SLC35F4: variants seen among roughly 807,000 people sequenced by gnomAD.
SLC35F4 encodes chromosome 14 open reading frame 36.
SLC35F4 carries 24 observed loss-of-function variants against 44.2 expected under a neutral mutation model. The ratio of observed to expected loss-of-function variants is 0.54; its 90% CI spans 0.39 to 0.76. The LOEUF (loss-of-function observed/expected upper bound fraction) is 0.76, where lower values mean the gene tolerates loss of function less well. Among genes scored for constraint, SLC35F4 ranks in the 30% least tolerant of loss-of-function variants. The pLI is 0.00. For synonymous variants in SLC35F4, 238 were observed against 223.6 expected (o/e 1.06, Z -0.57); for missense variants, 562 against 586.1 (o/e 0.96, Z 0.42).
chr14:57,954,733 C>T (rs1405455814), intron 1 of SLC35F4, among the ~76,000 whole-genome samples: 1 of 151,718 alleles, frequency 6.6e-6, no homozygotes, highest in Non-Finnish European at 1.5e-5. Flanking sequence ...AGGATGAAGT[C>T]GAATCTCTGA....
chr14:57,737,191 A>G (rs984244384), intron 1 of SLC35F4, among the ~76,000 whole-genome samples: 9 of 152,050 alleles, frequency 5.9e-5, no homozygotes, highest in African/African-American at 1.9e-4. Context: ...GTACGCCTAA[A>G]GTAGTAATTC....
intron 1 of SLC35F4, among the ~76,000 whole-genome samples, chr14:57,669,631 G>T (rs1235625590): frequency 6.6e-6 from 1 of 152,032 alleles, no homozygotes; most frequent in Non-Finnish European, 1.5e-5. Flanking sequence ...GCTGGATTAC[G>T]TTTATTGATT....
intron 1 of SLC35F4, among the ~76,000 whole-genome samples, chr14:57,778,190 C>T (rs1028339619): frequency 6.6e-6 from 1 of 152,214 alleles, no homozygotes; most frequent in African/African-American, 2.4e-5. Flanking sequence ...ACTTGCTCCT[C>T]CTTGCCTTCT....
At chr14:57,958,863 G>C (rs35990598) in intron 1 of SLC35F4, among the ~76,000 whole-genome samples, 20,559 of 152,202 alleles carry the variant, frequency 0.14, 1,686 homozygotes, top group East Asian at 0.25. Flanking sequence ...GTCCTGCCTA[G>C]AAGGTCTAAC....
chr14:57,616,899 C>G (rs11624435), intron 1 of SLC35F4, among the ~76,000 whole-genome samples: 1 of 152,104 alleles, frequency 6.6e-6, no homozygotes, highest in African/African-American at 2.4e-5. Flanking sequence ...CTTAGCCCCT[C>G]TTCTTCCTCG....
rs113543015 is a variant in SLC35F4, at chr14:57,721,159, G to A, written c.104-127035C>T. 6.5e-3 allele frequency among the ~76,000 whole-genome samples: 985 copies of A among 151,358 alleles called. 7 individuals are homozygous for A. The highest frequency in any genetic ancestry group is 0.022 in the African/African-American group (918 of 41,256). On this transcript the variant is annotated intron_variant, in intron 1 of 7. Transcript: ENST00000556826. ...GATGGAGTTCTTTCACTGGTTTTGG[G>A]GTTTTTGGCATTGCTTGCTTAATAT...
intron 1 of SLC35F4, chr14:57,630,664 C>T (rs764095079): frequency 4.4e-6 from 3 of 678,742 alleles, no homozygotes; most frequent in Non-Finnish European, 8.2e-6. Flanking sequence ...AGGTCTTGGA[C>T]TAGTCCTATG....
At chr14:57,895,020 T>C (rs1888843452) in intron 1 of SLC35F4, among the ~76,000 whole-genome samples, 1 of 152,116 alleles carries the variant, frequency 6.6e-6, no homozygotes. Context: ...ATGCATTGAG[T>C]GCCTAATTTG....
At chr14:57,772,930 G>A (rs572342717) in intron 1 of SLC35F4, among the ~76,000 whole-genome samples, 18 of 152,098 alleles carry the variant, frequency 1.2e-4, no homozygotes, top group East Asian at 5.8e-4. Flanking sequence ...AGAAATCTCC[G>A]TACTGTTTTC....
At chr14:57,866,957 A>AAAT (rs4035380), upstream of SLC35F4, among the ~76,000 whole-genome samples, 39,926 of 135,700 alleles carry the variant, frequency 0.29, 6,098 homozygotes, top group Admixed American at 0.36. Context: ...AGCTTCCTGC[A>AAAT]AATAATAATA....
At chr14:57,970,241 A>G (rs1881012015) in intron 1 of SLC35F4, among the ~76,000 whole-genome samples, 1 of 152,238 alleles carries the variant, frequency 6.6e-6, no homozygotes. Context: ...GCAAAATGGG[A>G]GCAAATGTAT....
At chr14:57,731,425 A>G (rs2076341611) in intron 1 of SLC35F4, among the ~76,000 whole-genome samples, 2 of 152,182 alleles carry the variant, frequency 1.3e-5, no homozygotes, top group Admixed American at 1.3e-4. Context: ...AGGGTTCTTC[A>G]TGGGAGGGTC....
intron 1 of SLC35F4, among the ~76,000 whole-genome samples, chr14:57,761,892 T>TAA (rs200042885): frequency 6.6e-6 from 1 of 151,074 alleles, no homozygotes; most frequent in East Asian, 1.9e-4. Flanking sequence ...TCATGTTACT[T>TAA]AAAAAAAAAG....
rs112363796 is a variant in SLC35F4, at chr14:57,691,781, A to C, written c.104-97657T>G. On this transcript the variant is annotated intron_variant, in intron 1 of 7. Transcript: ENST00000556826. The stretch of plus-strand genomic sequence containing the variant: ...CCTTCTCTTAAAAAGCTACACTCTA[A>C]TAGGAGAGACGAGATACTTATATAA... 2.6e-5 allele frequency among the ~76,000 whole-genome samples: 4 copies of C among 152,312 alleles called. 1 individual carries two copies. Among genetic ancestry groups the C allele is most frequent in the South Asian group, 2.1e-4 (1 of 4,826 alleles).
chr14:57,864,832 A>G (rs1428266480), intron 1 of SLC35F4, among the ~76,000 whole-genome samples: 1 of 152,218 alleles, frequency 6.6e-6, no homozygotes, highest in African/African-American at 2.4e-5. Context: ...TCGAAGAAAA[A>G]TGAGCTGCAC....
chr14:57,587,707 C>T (rs1200430243), intron 3 of SLC35F4, among the ~76,000 whole-genome samples: 2 of 152,002 alleles, frequency 1.3e-5, no homozygotes, highest in African/African-American at 4.8e-5. Context: ...ACCACCATGG[C>T]ACATGTATAC....
At chr14:57,937,605 GAAAAGAAAAGAAAAGA>G (rs1566505673) in intron 1 of SLC35F4, among the ~76,000 whole-genome samples, 4 of 54,160 alleles carry the variant, frequency 7.4e-5, no homozygotes, top group African/African-American at 3.3e-4. Flanking sequence ...GAAAAGAAAA[GAAAAGAAAAGAAAAGA>G]AAAGAAAAGA....
chr14:57,762,593 G>T (rs1049816963), intron 1 of SLC35F4, among the ~76,000 whole-genome samples: 2 of 152,252 alleles, frequency 1.3e-5, no homozygotes, highest in African/African-American at 4.8e-5. Flanking sequence ...GTATTTAGAA[G>T]TGGGAACTTT....
At chr14:57,589,633 T>A in intron 2 of SLC35F4, 120 bp from the exon 3 acceptor site, 1 of 1,093,328 alleles carries the variant, frequency 9.1e-7, no homozygotes, top group East Asian at 2.6e-5. Context: ...ATTACCAGTG[T>A]TTTTCTTTTC....
Sources: allele counts gnomAD v4.1 joint callset (sites outside exome capture counted in the v4.1 genomes callset), GRCh38; gene constraint gnomAD v4.1.1; transcripts MANE v1.5; gene names NCBI Gene and HGNC (gene_info 2026-07-23, HGNC 2026-07-21).